The following FCHSD2 variants were observed in gnomAD, a reference collection of about 807,000 sequenced individuals.
FCHSD2 encodes F-BAR and double SH3 domains protein 2.
FCHSD2 carries 38 observed loss-of-function variants against 108.1 expected under a neutral mutation model. The ratio of observed to expected loss-of-function variants is 0.35; its 90% CI spans 0.27 to 0.46. FCHSD2 has a LOEUF of 0.46. Among genes scored for constraint, FCHSD2 ranks in the 20% least tolerant of loss-of-function variants. The probability of loss-of-function intolerance (pLI) is 1.00; values close to 1 mark genes in which losing one functional copy is unlikely to be tolerated. For missense variants in FCHSD2, 751 were observed against 897.8 expected (o/e 0.84, Z 2.09); for synonymous variants, 279 against 314.7 (o/e 0.89, Z 1.20).
intron 9 of FCHSD2, among the ~76,000 whole-genome samples, chr11:72,912,723 A>C (rs1047361857): frequency 6.6e-6 from 1 of 152,268 alleles, no homozygotes; most frequent in South Asian, 2.1e-4. Context: ...TAAATGTTTG[A>C]TAAAATTCAG....
intron 3 of FCHSD2, among the ~76,000 whole-genome samples, chr11:73,041,748 A>G (rs1228124606): frequency 1.3e-5 from 2 of 151,960 alleles, no homozygotes; most frequent in Non-Finnish European, 1.5e-5. Context: ...TTAATTTAAT[A>G]TAGTCCTATT....
chr11:72,853,143 T>C (rs528814150), intron 13 of FCHSD2, among the ~76,000 whole-genome samples: 2 of 152,252 alleles, frequency 1.3e-5, no homozygotes, highest in Admixed American at 1.3e-4. Flanking sequence ...CACTTAAAAG[T>C]TTTTTTAAAA....
rs996251729 is a variant in FCHSD2, at chr11:72,945,480, T to C, written c.706-23530A>G. Among the ~76,000 whole-genome samples the C allele has an allele frequency of 1.2e-4, 18 of 152,322 alleles. 1 individual carries two copies. In the South Asian group the frequency reaches 1.9e-3, roughly 16 times the overall value. On this transcript the variant is annotated intron_variant, in intron 8 of 19. Coordinates refer to ENST00000409418, the MANE Select transcript of FCHSD2 (RefSeq NM_014824.3). Reference sequence around the variant, plus strand: ...AAGCTAGGCAATACCATTCAGGACATAGGCATGGGCAAGGACTTCATGTCT... The same window carrying C: ...AAGCTAGGCAATACCATTCAGGACACAGGCATGGGCAAGGACTTCATGTCT...
chr11:72,851,345 G>A (rs1861282655), intron 13 of FCHSD2, among the ~76,000 whole-genome samples: 1 of 152,188 alleles, frequency 6.6e-6, no homozygotes, highest in Non-Finnish European at 1.5e-5. Context: ...AACACTGCCT[G>A]TAGTGACAAA....
intron 10 of FCHSD2, 39 bp downstream of exon 10, chr11:72,902,504 C>A (rs573985763): frequency 2.2e-4 from 306 of 1,401,854 alleles, no homozygotes; most frequent in Non-Finnish European, 2.9e-4. Flanking sequence ...ACAAACACAA[C>A]TGAACAACAC....
intron 10 of FCHSD2, among the ~76,000 whole-genome samples, chr11:72,902,333 TTTGG>T (rs2135273755): frequency 6.6e-6 from 1 of 152,336 alleles, no homozygotes; most frequent in East Asian, 1.9e-4. Context: ...CTTAACCTCA[TTTGG>T]TAGAAGGTTG....
At position 72,920,836 on chromosome 11, in the gene FCHSD2, C is replaced by T. The variant is rs185494271; in HGVS notation, c.828+992G>A. On this transcript the variant is annotated intron_variant, in intron 9 of 19. Transcript: ENST00000409418. ...ACAATATAGGAAAACAGATACATGA[C>T]AGGACTTCAAAGCACCAGGCTAGTG... Among the ~76,000 whole-genome samples the T allele has an allele frequency of 2.0e-5, 3 of 152,262 alleles. No individual in the cohort carries two copies. In the East Asian group the frequency reaches 5.8e-4, roughly 29 times the overall value.
intron 8 of FCHSD2, among the ~76,000 whole-genome samples, chr11:72,928,768 A>T (rs1856128524): frequency 6.6e-6 from 1 of 152,150 alleles, no homozygotes; most frequent in South Asian, 2.1e-4. Context: ...CATGTGCACA[A>T]CGTGCAGGTT....
chr11:72,898,865 G>A (rs183262581), intron 10 of FCHSD2, among the ~76,000 whole-genome samples: 3 of 152,110 alleles, frequency 2.0e-5, no homozygotes, highest in Non-Finnish European at 2.9e-5. Flanking sequence ...GAGTAGCAGG[G>A]ACTACAGGTG....
chr11:72,856,223 T>C (rs1295898951), intron 13 of FCHSD2, among the ~76,000 whole-genome samples: 2 of 151,916 alleles, frequency 1.3e-5, no homozygotes, highest in Non-Finnish European at 2.9e-5. Context: ...CAATCTAGAG[T>C]GAAGGATACT....
chr11:73,058,432 AACTG>A (rs1315351849), intron 3 of FCHSD2, among the ~76,000 whole-genome samples: 1 of 152,166 alleles, frequency 6.6e-6, no homozygotes, highest in Non-Finnish European at 1.5e-5. Context: ...CTAAACAACA[AACTG>A]ACTAACTTCT....
chr11:72,916,916 A>G (rs1231790217), intron 9 of FCHSD2, among the ~76,000 whole-genome samples: 2 of 151,484 alleles, frequency 1.3e-5, no homozygotes, highest in African/African-American at 2.4e-5. Context: ...TCATTGATCA[A>G]TTTTGAGTTA....
intron 10 of FCHSD2, among the ~76,000 whole-genome samples, chr11:72,894,302 T>C (rs779639357): frequency 6.6e-6 from 1 of 152,180 alleles, no homozygotes; most frequent in African/African-American, 2.4e-5. Flanking sequence ...CCCAGTGTTC[T>C]GGTAGGCCAA....
intron 9 of FCHSD2, among the ~76,000 whole-genome samples, chr11:72,912,856 G>A (rs1490931550): frequency 6.6e-6 from 1 of 152,102 alleles, no homozygotes; most frequent in Non-Finnish European, 1.5e-5. Context: ...ATCTTGGTAG[G>A]TGTATTAGTC....
intron 11 of FCHSD2, among the ~76,000 whole-genome samples, chr11:72,889,202 C>T (rs934616703): frequency 3.3e-5 from 5 of 152,002 alleles, no homozygotes; most frequent in African/African-American, 7.3e-5. Flanking sequence ...ACCTTGTGAT[C>T]CACCCACCTC....
chr11:72,922,056 TTAA>T (rs1855985176), intron 8 of FCHSD2, 106 bp from the exon 9 acceptor site: 1 of 693,446 alleles, frequency 1.4e-6, no homozygotes, highest in African/African-American at 1.8e-5. Flanking sequence ...AAATTTATTA[TTAA>T]TAATAAATGG....
intron 2 of FCHSD2, among the ~76,000 whole-genome samples, chr11:73,099,232 T>C (rs912397971): frequency 2.6e-5 from 4 of 151,866 alleles, no homozygotes; most frequent in African/African-American, 9.7e-5. Context: ...AAACACACAA[T>C]GAGGTACTAC....
chr11:72,936,160 T>A (rs1349664971), intron 8 of FCHSD2, among the ~76,000 whole-genome samples: 1 of 152,204 alleles, frequency 6.6e-6, no homozygotes, highest in Non-Finnish European at 1.5e-5. Flanking sequence ...CATAAGAGTA[T>A]GGTATGTGTA....
At chr11:73,064,673 A>G (rs1029985067) in intron 3 of FCHSD2, among the ~76,000 whole-genome samples, 6 of 152,174 alleles carry the variant, frequency 3.9e-5, no homozygotes, top group South Asian at 2.1e-4. Flanking sequence ...GGATATTCTT[A>G]TATCACCACT....
Sources: gnomAD v4.1 joint callset for allele counts (sites outside exome capture counted in the v4.1 genomes callset) on GRCh38, gnomAD v4.1.1 for gene constraint, MANE v1.5 for transcripts, NCBI Gene and HGNC (gene_info 2026-07-23, HGNC 2026-07-21) for gene names.